Variants in ANTXRL observed in about 807,000 individuals in gnomAD.
ANTXRL encodes ANTXR like, also known as anthrax toxin receptor-like.
ANTXRL carries 63 observed loss-of-function variants against 75.4 expected under a neutral mutation model. That is an observed-to-expected ratio of 0.84 (90% CI 0.68 to 1.03). The LOEUF (loss-of-function observed/expected upper bound fraction) is 1.03. Ranked by LOEUF, ANTXRL falls within the 50% of genes least tolerant of loss-of-function variation. The pLI, the probability that ANTXRL is intolerant of heterozygous loss-of-function variation, is 0.00. For synonymous variants in ANTXRL, 335 were observed against 291.3 expected (o/e 1.15, Z -1.53); for missense variants, 797 against 789.4 (o/e 1.01, Z -0.12).
intron 16 of ANTXRL, among the ~76,000 whole-genome samples, chr10:46,325,568 G>A (rs1420226067): frequency 6.6e-6 from 1 of 152,060 alleles, no homozygotes; most frequent in Admixed American, 6.6e-5. Context: ...AGTTCAGGAC[G>A]GAGCTCATTT....
At position 46,330,086 on chromosome 10, in the gene ANTXRL, G is replaced by C. The variant is rs181546346; in HGVS notation, c.*2G>C. On this transcript the variant is annotated 3_prime_UTR_variant, in exon 17 of 17. Transcript: ENST00000620264. ...CCCCCCTCAGAGCCCAACTTCTAAG[G>C]CACCAAACACCCAAGATTAACAGGC... 1 of 1,504,060 alleles carries C rather than the reference G, an allele frequency of 6.6e-7. No homozygotes were observed. The highest frequency in any genetic ancestry group is 1.7e-4 in the Middle Eastern group (1 of 5,814). 93.2% of individuals were successfully genotyped at this position (1,504,060 alleles called of 1,614,324 possible). A position where few individuals can be genotyped will look rare whatever the true frequency, so the allele number is the denominator to read the frequency against.
intron 2 of ANTXRL, chr10:46,293,111 CTGTGTGTG>C (rs112166587): frequency 6.6e-6 from 1 of 151,988 alleles, no homozygotes; most frequent in Non-Finnish European, 1.5e-5. Flanking sequence ...GTATGTGTGT[CTGTGTGTG>C]TGTGTGTGCA....
At chr10:46,317,241 T>C (rs1554964854) in intron 16 of ANTXRL, among the ~76,000 whole-genome samples, 1 of 152,208 alleles carries the variant, frequency 6.6e-6, no homozygotes, top group Non-Finnish European at 1.5e-5. Context: ...AATTAATCTA[T>C]GATCCAGTCT....
chr10:46,306,875 A>G lies in ANTXRL; in HGVS notation c.965+3A>G, dbSNP rs1436138267. On this transcript the variant is annotated splice_donor_region_variant and intron_variant, in intron 11 of 16. Coordinates refer to ENST00000620264, the MANE Select transcript of ANTXRL (RefSeq NM_001278688.3). ...CCAAAACTAGAAAAACCTGGAGAGT[A>G]AGTGCCCCTGGCAGGAGGCTAGAGG... 1.0e-5 allele frequency: 16 copies of G among 1,527,772 alleles called. No individual in the cohort carries two copies. The highest frequency in any genetic ancestry group is 1.3e-5 in the Non-Finnish European group (15 of 1,143,050). 94.6% of individuals were successfully genotyped at this position (1,527,772 alleles called of 1,614,324 possible). A position where few individuals can be genotyped will look rare whatever the true frequency, so the allele number is the denominator to read the frequency against.
chr10:46,287,395 C>T lies in ANTXRL; in HGVS notation c.133C>T (p.Leu45=), dbSNP rs782263753. 1.3e-6 allele frequency: 2 copies of T among 1,536,042 alleles called. No homozygotes were observed. Among genetic ancestry groups the T allele is most frequent in the South Asian group, 1.2e-5 (1 of 84,046 alleles). ...CTGGAGAATATTTCACCGCCTGGCC[C>T]TGGGCTCCAGGAGAGCCCACCACCA... ...PDWRIFHRLA[L]GSRRAHHHHG... The change falls in exon 1 of 17, where the codon CTG becomes TTG. Residue 45 remains leucine (L), a synonymous_variant. Transcript: ENST00000620264.
intron 3 of ANTXRL, 88 bp from the exon 4 acceptor site, chr10:46,295,931 A>G: frequency 9.0e-7 from 1 of 1,110,638 alleles, no homozygotes; most frequent in Admixed American, 2.0e-5. Context: ...GGACTGGCGC[A>G]AAGAACAGTG....
intron 9 of ANTXRL, among the ~76,000 whole-genome samples, chr10:46,301,088 T>C (rs782567572): frequency 3.3e-5 from 5 of 152,006 alleles, no homozygotes; most frequent in Non-Finnish European, 7.4e-5. Flanking sequence ...AATTATCCTG[T>C]CCATGGAGCT....
intron 6 of ANTXRL, 34 bp from the exon 7 acceptor site, chr10:46,297,372 T>C (rs1554959099): frequency 2.6e-6 from 4 of 1,536,178 alleles, no homozygotes; most frequent in Non-Finnish European, 3.5e-6. Context: ...CCATGTATTT[T>C]GATGACCAAT....
rs557408521 is a variant in ANTXRL at position 46,309,939 on chromosome 10, G to A, written c.1135-522G>A. On this transcript the variant is annotated intron_variant, in intron 13 of 16. Transcript: ENST00000620264. ...AGGGGTGCTGGGAGCTGGGGTGGAC[G>A]GACCCAGCTCAGAGAGCTGCAGACA... is the stretch of plus-strand genomic sequence containing the variant. Among the ~76,000 whole-genome samples, 19 of 152,228 alleles carry A rather than the reference G, an allele frequency of 1.2e-4. No individual in the cohort carries two copies. In the South Asian group the frequency reaches 3.1e-3, roughly 25 times the overall value.
chr10:46,311,672 A>G lies in ANTXRL; in HGVS notation c.1329+7A>G. The G allele has an allele frequency of 1.0e-6, 1 of 958,416 alleles. No individual in the cohort carries two copies. Among genetic ancestry groups the G allele is most frequent in the Non-Finnish European group, 1.6e-6 (1 of 619,554 alleles). 59.4% of individuals were successfully genotyped at this position (958,416 alleles called of 1,614,324 possible). A position where few individuals can be genotyped will look rare whatever the true frequency, so the allele number is the denominator to read the frequency against. ...CGGGATGAGAAGGATAGAGGTGAGAAGGGCACAGTGGAGAGGGGCTGTGAC... is the reference window on the plus strand; with the variant it reads ...CGGGATGAGAAGGATAGAGGTGAGAGGGGCACAGTGGAGAGGGGCTGTGAC... On this transcript the variant is annotated splice_region_variant and intron_variant, in intron 15 of 16. Transcript: ENST00000620264.
At chr10:46,300,991 C>G (rs1422573060) in intron 9 of ANTXRL, among the ~76,000 whole-genome samples, 2 of 150,282 alleles carry the variant, frequency 1.3e-5, no homozygotes, top group African/African-American at 5.0e-5. Context: ...TCTCCCACCC[C>G]CCCTCTCTCT....
rs1837829206 is a variant in ANTXRL, at chr10:46,302,711, T to C, written c.797-11T>C. ...CTTCCTCACTCAGCCTTTTGAATGT[T>C]GTCCTTGCAGAACCCTACCATGTGG... On this transcript the variant is annotated splice_polypyrimidine_tract_variant and intron_variant, in intron 9 of 16. Coordinates refer to ENST00000620264, the MANE Select transcript of ANTXRL (RefSeq NM_001278688.3). 5.9e-6 allele frequency: 9 copies of C among 1,529,328 alleles called. No homozygotes were observed. In the East Asian group the frequency reaches 2.0e-4, roughly 33 times the overall value. The allele number at this position is 1,529,328 out of a possible 1,614,324, so 94.7% of individuals were successfully genotyped here.
chr10:46,317,667 G>A (rs12246145), intron 16 of ANTXRL, among the ~76,000 whole-genome samples: 2 of 152,032 alleles, frequency 1.3e-5, no homozygotes, highest in African/African-American at 4.8e-5. Flanking sequence ...CAATTACAGA[G>A]AGCCTTCCCT....
chr10:46,321,387 C>T (rs1838970353), intron 16 of ANTXRL, among the ~76,000 whole-genome samples: 1 of 152,142 alleles, frequency 6.6e-6, no homozygotes, highest in Non-Finnish European at 1.5e-5. Context: ...TTGTCTGCTT[C>T]TGGGGAGAAA....
intron 9 of ANTXRL, among the ~76,000 whole-genome samples, chr10:46,298,903 C>G (rs1403202092): frequency 6.8e-6 from 1 of 147,606 alleles, no homozygotes; most frequent in African/African-American, 2.5e-5. Context: ...ATGTGGCCCA[C>G]ATGGATGTGA....
At chr10:46,322,933 C>G (rs1554965862) in intron 16 of ANTXRL, among the ~76,000 whole-genome samples, 1 of 152,154 alleles carries the variant, frequency 6.6e-6, no homozygotes, top group Non-Finnish European at 1.5e-5. Flanking sequence ...TTCAGTTTTA[C>G]AGGTATGAGC....
intron 15 of ANTXRL, among the ~76,000 whole-genome samples, chr10:46,312,094 C>G (rs1251542856): frequency 2.0e-5 from 3 of 147,256 alleles, no homozygotes; most frequent in African/African-American, 7.4e-5. Context: ...TAGAAATGAC[C>G]AGTCCTGACA....
chr10:46,290,712 T>C (rs1836948348), intron 1 of ANTXRL, among the ~76,000 whole-genome samples: 1 of 152,198 alleles, frequency 6.6e-6, no homozygotes, highest in Non-Finnish European at 1.5e-5. Context: ...ATGTGCTTAT[T>C]GGCCATTTGC....
At chr10:46,324,320 C>A (rs1554966073) in intron 16 of ANTXRL, among the ~76,000 whole-genome samples, 1 of 152,116 alleles carries the variant, frequency 6.6e-6, no homozygotes. Flanking sequence ...CTTTATGAAC[C>A]GGAATGCTAA....
Sources: allele counts gnomAD v4.1 joint callset (sites outside exome capture counted in the v4.1 genomes callset), GRCh38; gene constraint gnomAD v4.1.1; transcripts MANE v1.5; gene names NCBI Gene and HGNC (gene_info 2026-07-23, HGNC 2026-07-21).